Variants in IFT122 observed in about 807,000 individuals in gnomAD.
IFT122 encodes the protein intraflagellar transport 122.
IFT122 carries 118 observed loss-of-function variants against 161.6 expected under a neutral mutation model. That is an observed-to-expected ratio of 0.73 (90% CI 0.63 to 0.85). The LOEUF (loss-of-function observed/expected upper bound fraction) is 0.85. Among genes scored for constraint, IFT122 ranks in the 40% least tolerant of loss-of-function variants. The probability of loss-of-function intolerance (pLI) is 0.00; values close to 1 mark genes in which losing one functional copy is unlikely to be tolerated. For synonymous variants in IFT122, 550 were observed against 602.4 expected (o/e 0.91, Z 1.27); for missense variants, 1,381 against 1,579.6 (o/e 0.87, Z 2.13).
rs112741183 is a variant in IFT122, at chr3:129,479,939, G to A, written c.1488+17G>A. The A allele has an allele frequency of 9.9e-6, 16 of 1,613,550 alleles. No homozygotes were observed. The highest frequency in any genetic ancestry group is 2.7e-5 in the African/African-American group (2 of 74,954). On this transcript the variant is annotated intron_variant, in intron 13 of 29. Transcript: ENST00000348417. ...AATGGACAGGTGAGTGCTCCCTCAC[G>A]TCTCCTGTCAGGCTGATAATCTGCA...
intron 24 of IFT122, chr3:129,512,724 GC>G (rs1401176532): frequency 4.6e-6 from 2 of 433,234 alleles, no homozygotes; most frequent in Non-Finnish European, 8.6e-6. Flanking sequence ...GAAGCACCAG[GC>G]CTTCAGGCTT....
chr3:129,456,200 A>C (rs1050262179), intron 3 of IFT122: 1 of 1,275,992 alleles, frequency 7.8e-7, no homozygotes, highest in East Asian at 5.6e-5. Flanking sequence ...CTCTGAGCCC[A>C]AAGCTTATGC....
chr3:129,476,015 A>T (rs2077896193), intron 9 of IFT122: 1 of 453,884 alleles, frequency 2.2e-6, no homozygotes. Flanking sequence ...AACCACCCAC[A>T]GTCTCCATCT....
chr3:129,486,911 C>T (rs72983881), intron 15 of IFT122, among the ~76,000 whole-genome samples: 2,820 of 152,234 alleles, frequency 0.019, 49 homozygotes, highest in African/African-American at 0.04. Context: ...CCTGCTGCCC[C>T]GCTAAAGGGA....
At chr3:129,481,964 A>G (rs1374491156) in intron 14 of IFT122, among the ~76,000 whole-genome samples, 7 of 152,196 alleles carry the variant, frequency 4.6e-5, no homozygotes, top group Admixed American at 2.6e-4. Context: ...GCCTTTCTTA[A>G]GCGTTTACCA....
rs191363780 is a variant in IFT122 at position 129,457,131 on chromosome 3, C to T, written c.194-1468C>T. Among the ~76,000 whole-genome samples the T allele has an allele frequency of 4.6e-5, 7 of 152,316 alleles. No individual in the cohort carries two copies. In the East Asian group the frequency reaches 1.4e-3, roughly 29 times the overall value. Reference sequence around the variant, plus strand: ...TTACCTCTTAATCCTCGTCTCTCACCAGAGTAGGTGAAGACCCCGTTATTT... The same window carrying T: ...TTACCTCTTAATCCTCGTCTCTCACTAGAGTAGGTGAAGACCCCGTTATTT... On this transcript the variant is annotated intron_variant, in intron 3 of 29. Transcript: ENST00000348417.
Position 129,504,312 on chromosome 3 carries a change from C to T in IFT122, c.2548-7C>T, listed in dbSNP as rs1375114334. 1 of 1,610,116 alleles carries T rather than the reference C, an allele frequency of 6.2e-7. No individual in the cohort carries two copies. The highest frequency in any genetic ancestry group is 8.5e-7 in the Non-Finnish European group (1 of 1,176,624). On this transcript the variant is annotated splice_region_variant and splice_polypyrimidine_tract_variant and intron_variant, in intron 20 of 29. Transcript: ENST00000348417. ...TTTATTAAGACTTCATTTGCTCCTTCCCCCAGGCCTTTGCTTTGGGTGAGA... is the reference window on the plus strand; with the variant it reads ...TTTATTAAGACTTCATTTGCTCCTTTCCCCAGGCCTTTGCTTTGGGTGAGA...
intron 11 of IFT122, among the ~76,000 whole-genome samples, chr3:129,477,310 T>C (rs897003851): frequency 6.6e-6 from 1 of 152,196 alleles, no homozygotes; most frequent in African/African-American, 2.4e-5. Context: ...TTCTAAGCCC[T>C]AAGACTGCAG....
intron 23 of IFT122, among the ~76,000 whole-genome samples, chr3:129,509,063 T>C (rs2082491032): frequency 6.6e-6 from 1 of 152,212 alleles, no homozygotes; most frequent in Non-Finnish European, 1.5e-5. Context: ...GGGAACTGCT[T>C]TGGAGCTTTT....
In IFT122 at chr3:129,517,574, A is replaced by C; in HGVS notation, c.3371A>C (p.Gln1124Pro). The part of the protein sequence containing the change: ...EVLRPKRDDR[Q>P]LEIANNSSQI... Reference sequence around the variant, plus strand: ...CTGAGACCCAAGCGGGATGACAGACAGCTAGAGATTGCAAACAACAGTATC... The same window carrying C: ...CTGAGACCCAAGCGGGATGACAGACCGCTAGAGATTGCAAACAACAGTATC... Residue 1124 changes from glutamine (Q) to proline (P), a missense_variant, in exon 27 of 30, where the codon CAG becomes CCG. By Grantham distance (76) the Gln-to-Pro change is moderately conservative. Coordinates refer to ENST00000348417, the MANE Select transcript of IFT122 (RefSeq NM_052989.3). 6.2e-7 allele frequency: 1 copy of C among 1,613,752 alleles called. No individual in the cohort carries two copies. The highest frequency in any genetic ancestry group is 8.5e-7 in the Non-Finnish European group (1 of 1,179,756).
intron 1 of IFT122, among the ~76,000 whole-genome samples, chr3:129,449,051 GAAA>G (rs2107884626): frequency 6.6e-6 from 1 of 152,142 alleles, no homozygotes; most frequent in East Asian, 1.9e-4. Context: ...CTCTTTGTTA[GAAA>G]AAAATAATTT....
intron 1 of IFT122, among the ~76,000 whole-genome samples, chr3:129,443,488 A>G (rs560985444): frequency 4.3e-4 from 65 of 152,362 alleles, no homozygotes; most frequent in African/African-American, 1.5e-3. Flanking sequence ...ATGGCCATCT[A>G]TAAGGAATTC....
At chr3:129,494,237 A>G (rs529002061) in intron 17 of IFT122, among the ~76,000 whole-genome samples, 2 of 151,448 alleles carry the variant, frequency 1.3e-5, no homozygotes, top group East Asian at 1.9e-4. Context: ...GCAGAGATAG[A>G]GTCTGGCTAT....
chr3:129,485,769 A>G (rs2079200538), intron 15 of IFT122, among the ~76,000 whole-genome samples: 2 of 152,256 alleles, frequency 1.3e-5, no homozygotes, highest in African/African-American at 4.8e-5. Flanking sequence ...GGACTTTAAG[A>G]TTCAGCAGCA....
Position 129,488,304 on chromosome 3 carries a change from C to G in IFT122, c.1899C>G (p.Ala633=). ...TGGATAGGAAACTGTTCAAGGAAGCCTACCAGATTGCTTGCTTGGGTGTCA... is the reference window on the plus strand; with the variant it reads ...TGGATAGGAAACTGTTCAAGGAAGCGTACCAGATTGCTTGCTTGGGTGTCA... ...QYLDRKLFKE[A]YQIACLGVTD... The change falls in exon 16 of 30, where the codon GCC becomes GCG. Residue 633 remains alanine (A), a synonymous_variant. Coordinates refer to ENST00000348417, the MANE Select transcript of IFT122 (RefSeq NM_052989.3). 6.2e-7 allele frequency: 1 copy of G among 1,614,196 alleles called. No homozygotes were observed. The highest frequency in any genetic ancestry group is 8.5e-7 in the Non-Finnish European group (1 of 1,180,038).
At position 129,464,625 on chromosome 3, in the gene IFT122, G is replaced by A. The variant is rs768555543; in HGVS notation, c.417-10G>A. The A allele has an allele frequency of 3.1e-6, 5 of 1,613,782 alleles. No homozygotes were observed. The highest frequency in any genetic ancestry group is 3.3e-5 in the Admixed American group (2 of 59,990). Reference sequence around the variant, plus strand: ...CCTATCCCCATGCCTTTTGTTGGTTGTGTACACAGCTGGACAAATGATGGT... The same window carrying A: ...CCTATCCCCATGCCTTTTGTTGGTTATGTACACAGCTGGACAAATGATGGT... On this transcript the variant is annotated splice_polypyrimidine_tract_variant and intron_variant, in intron 6 of 29. Transcript: ENST00000348417.
rs113871672 is a variant in IFT122 at position 129,481,544 on chromosome 3, C to T, written c.1503C>T (p.Phe501=). 29 of 1,577,386 alleles carry T rather than the reference C, an allele frequency of 1.8e-5. No individual in the cohort carries two copies. The highest frequency in any genetic ancestry group is 1.2e-4 in the African/African-American group (9 of 74,200). ...AATTTTGCCAGATCCTGAAGATCTT[C>T]GTGGACAATCTCTTTGCTATCGTCC... The part of the protein sequence containing the change: ...GLKNGQILKI[F]VDNLFAIVLL... Residue 501 remains phenylalanine, a synonymous_variant, in exon 14 of 30, where the codon TTC becomes TTT. Transcript: ENST00000348417.
At chr3:129,506,702 TATC>T (rs2082227578) in intron 22 of IFT122, among the ~76,000 whole-genome samples, 153 bp downstream of exon 22, 1 of 152,230 alleles carries the variant, frequency 6.6e-6, no homozygotes, top group Admixed American at 6.5e-5. Flanking sequence ...TAATCTGGTG[TATC>T]ATCTTTTTCC....
intron 12 of IFT122, 46 bp from the exon 13 acceptor site, chr3:129,479,739 C>T (rs1577640975): frequency 6.2e-7 from 1 of 1,612,684 alleles, no homozygotes; most frequent in East Asian, 2.2e-5. Context: ...GGTCTGGGGG[C>T]ACTTATTCTG....
Sources: gnomAD v4.1 joint callset for allele counts (sites outside exome capture counted in the v4.1 genomes callset) on GRCh38, gnomAD v4.1.1 for gene constraint, MANE v1.5 for transcripts, NCBI Gene and HGNC (gene_info 2026-07-23, HGNC 2026-07-21) for gene names.